CEP85L: variants seen among roughly 807,000 people sequenced by gnomAD.
CEP85L encodes the protein centrosomal protein of 85 kDa-like.
CEP85L carries 60 observed loss-of-function variants against 100.3 expected under a neutral mutation model. The observed-to-expected ratio is 0.60, with a 90% CI of 0.49 to 0.74. The LOEUF is 0.74. CEP85L is among the 30% of genes least tolerant of loss of function. The pLI, the probability that CEP85L is intolerant of heterozygous loss-of-function variation, is 0.00. For synonymous variants in CEP85L, 319 were observed against 322.7 expected (o/e 0.99, Z 0.12); for missense variants, 973 against 936.2 (o/e 1.04, Z -0.51).
intron 1 of CEP85L, among the ~76,000 whole-genome samples, chr6:118,688,631 A>T (rs1430833386): frequency 2.6e-5 from 4 of 152,218 alleles, no homozygotes; most frequent in African/African-American, 9.6e-5. Flanking sequence ...GTGAATTCCT[A>T]AGCCAACTGA....
chr6:118,700,874 T>A (rs1777382641), intron 1 of CEP85L, among the ~76,000 whole-genome samples: 1 of 152,182 alleles, frequency 6.6e-6, no homozygotes. Flanking sequence ...ATAGTAAGGA[T>A]TCTGAGGCAA....
At chr6:118,632,120 G>T (rs549858865) in intron 2 of CEP85L, among the ~76,000 whole-genome samples, 1 of 151,072 alleles carries the variant, frequency 6.6e-6, no homozygotes, top group East Asian at 1.9e-4. Context: ...CTCTCAAGTA[G>T]CTGGGACTAC....
At chr6:118,521,005 T>G (rs1347815948) in intron 4 of CEP85L, among the ~76,000 whole-genome samples, 3 of 152,208 alleles carry the variant, frequency 2.0e-5, no homozygotes, top group African/African-American at 7.2e-5. Flanking sequence ...CTATGAAAGT[T>G]ATACGCAGTG....
rs2081187042 is a variant in CEP85L at position 118,567,245 on chromosome 6, GTGTGTATATATATATATATA to G, written c.233-949_233-930del. 4.1e-4 allele frequency among the ~76,000 whole-genome samples: 13 copies of G among 31,642 alleles called. No individual in the cohort carries two copies. The South Asian group carries it at 7.1e-3, about 17-fold the overall frequency. The allele number at this position is 31,642 out of a possible 152,430, so 20.8% of individuals were successfully genotyped here. On this transcript the variant is annotated intron_variant, in intron 2 of 12. Transcript: ENST00000368491. The stretch of plus-strand genomic sequence containing the variant: ...TGTGTGTGTGTGTGTGTGTGTGTGT[GTGTGTATATATATATATATA>G]TATATATATATATATATATATATCC...
chr6:118,556,206 T>C (rs543086557), intron 3 of CEP85L, among the ~76,000 whole-genome samples: 5 of 152,236 alleles, frequency 3.3e-5, no homozygotes, highest in Non-Finnish European at 5.9e-5. Context: ...TCTGCTTTTA[T>C]AAGCTGCTAT....
chr6:118,481,405 A>G (rs752141414), intron 8 of CEP85L, among the ~76,000 whole-genome samples: 15 of 152,118 alleles, frequency 9.9e-5, no homozygotes, highest in Non-Finnish European at 2.1e-4. Context: ...TTTCAATGAA[A>G]TTATGCTTCT....
chr6:118,700,240 A>G (rs1156761107), intron 1 of CEP85L, among the ~76,000 whole-genome samples: 1 of 152,244 alleles, frequency 6.6e-6, no homozygotes, highest in Non-Finnish European at 1.5e-5. Context: ...GGAGACTGTT[A>G]GGGAATAAGC....
intron 4 of CEP85L, among the ~76,000 whole-genome samples, chr6:118,522,357 T>C (rs2114779955): frequency 6.6e-6 from 1 of 152,154 alleles, no homozygotes; most frequent in Admixed American, 6.5e-5. Flanking sequence ...CGAATATTAA[T>C]TTCAATTATA....
chr6:118,671,446 ACTACTGT>A (rs1776301685), intron 1 of CEP85L, among the ~76,000 whole-genome samples: 8 of 152,126 alleles, frequency 5.3e-5, no homozygotes, highest in Admixed American at 5.2e-4. Flanking sequence ...TACATAAAGC[ACTACTGT>A]TAATAAAAAA....
chr6:118,667,242 A>G (rs1323094161), intron 1 of CEP85L, among the ~76,000 whole-genome samples: 1 of 152,204 alleles, frequency 6.6e-6, no homozygotes. Context: ...ACTAACATGA[A>G]GAAGGGCATT....
intron 6 of CEP85L, among the ~76,000 whole-genome samples, chr6:118,488,046 G>GC (rs759581302): frequency 6.6e-6 from 1 of 151,946 alleles, no homozygotes; most frequent in Non-Finnish European, 1.5e-5. Flanking sequence ...GATATGAAAA[G>GC]CCCCCCTCTC....
In CEP85L at chr6:118,461,484, A is replaced by C. The variant is rs2114350773; in HGVS notation, c.*3921T>G. ...ATAATCATCAACATTCTTAGAACTC[A>C]TGTAAAATAGAAATAAATGCTTACT... On this transcript the variant is annotated 3_prime_UTR_variant, in exon 13 of 13. Transcript: ENST00000368491. The C allele has an allele frequency of 6.6e-6, 1 of 152,236 alleles. No homozygotes were observed. The highest frequency in any genetic ancestry group is 1.9e-4 in the East Asian group (1 of 5,192). The allele number at this position is 152,236 out of a possible 1,614,324, so 9.4% of individuals were successfully genotyped here.
chr6:118,520,739 C>G (rs968733750), intron 4 of CEP85L, among the ~76,000 whole-genome samples: 1 of 152,206 alleles, frequency 6.6e-6, no homozygotes, highest in Non-Finnish European at 1.5e-5. Context: ...TCCACTTTTA[C>G]GAGCTAAACT....
intron 2 of CEP85L, among the ~76,000 whole-genome samples, chr6:118,597,116 A>G (rs1203091518): frequency 2.0e-5 from 3 of 152,106 alleles, no homozygotes; most frequent in East Asian, 1.9e-4. Context: ...GCTTTCCCCC[A>G]TGATTCTAAG....
intron 10 of CEP85L, among the ~76,000 whole-genome samples, chr6:118,471,538 T>G (rs963409125): frequency 6.6e-6 from 1 of 151,964 alleles, no homozygotes; most frequent in African/African-American, 2.4e-5. Context: ...TATCTTTGGA[T>G]GGAGTAAAAA....
intron 6 of CEP85L, among the ~76,000 whole-genome samples, chr6:118,491,194 T>TACACACAC (rs1491518154): frequency 1.5e-4 from 12 of 81,304 alleles, no homozygotes; most frequent in Non-Finnish European, 1.8e-4. Context: ...TACCAACATC[T>TACACACAC]ATACACACAC....
intron 1 of CEP85L, among the ~76,000 whole-genome samples, chr6:118,665,174 T>G (rs571169190): frequency 2.0e-4 from 30 of 152,154 alleles, no homozygotes; most frequent in African/African-American, 7.2e-4. Flanking sequence ...ACAGGTAAGA[T>G]GAGTGGGAAC....
intron 1 of CEP85L, among the ~76,000 whole-genome samples, chr6:118,696,063 G>A (rs960204528): frequency 2.0e-5 from 3 of 152,164 alleles, no homozygotes; most frequent in East Asian, 1.9e-4. Flanking sequence ...CTGAGGTCAC[G>A]AGTTCGAGAC....
intron 1 of CEP85L, among the ~76,000 whole-genome samples, chr6:118,641,189 C>A (rs1159263698): frequency 6.6e-6 from 1 of 152,218 alleles, no homozygotes; most frequent in African/African-American, 2.4e-5. Flanking sequence ...ACACTGTCAC[C>A]AGCTTCTCTC....
Sources: gnomAD v4.1 joint callset for allele counts (sites outside exome capture counted in the v4.1 genomes callset) on GRCh38, gnomAD v4.1.1 for gene constraint, MANE v1.5 for transcripts, NCBI Gene and HGNC (gene_info 2026-07-23, HGNC 2026-07-21) for gene names.